Variants in CKAP5 observed in about 807,000 individuals in gnomAD.
CKAP5 encodes cytoskeleton associated protein 5.
A neutral mutation model predicts 232.8 loss-of-function variants in CKAP5; 27 were observed. The ratio of observed to expected loss-of-function variants is 0.12; its 90% CI spans 0.09 to 0.16. The LOEUF (loss-of-function observed/expected upper bound fraction) is 0.16. Ranked by LOEUF, CKAP5 falls within the 10% of genes least tolerant of loss-of-function variation. CKAP5 has a pLI of 1.00. For synonymous variants in CKAP5, 785 were observed against 841.1 expected, an observed-to-expected ratio of 0.93 and a Z score of 1.16; for missense variants, 1,838 against 2,424.7, an observed-to-expected ratio of 0.76 and a Z score of 5.08.
rs1491555078 is a variant in CKAP5 at position 46,816,785 on chromosome 11, AAT to A, written c.252-383_252-382del. Among the ~76,000 whole-genome samples, 4 of 102,450 alleles carry A rather than the reference AAT, an allele frequency of 3.9e-5. No homozygotes were observed. The Admixed American group carries it at 4.6e-4, about 12-fold the overall frequency. The allele number at this position is 102,450 out of a possible 152,430, so 67.2% of individuals were successfully genotyped here. A position where few individuals can be genotyped will look rare whatever the true frequency, so the allele number is the denominator to read the frequency against. ...GTAGGGTTACAGAATGCTTGCTTTC[AAT>A]TTTTTTTTTTTTTTTTTTTTTTTAA... On this transcript the variant is annotated intron_variant, in intron 3 of 43. Coordinates refer to ENST00000529230, the MANE Select transcript of CKAP5 (RefSeq NM_001008938.4).
chr11:46,744,383 G>A (rs1016418278), intron 43 of CKAP5, 43 bp downstream of exon 43: 1 of 1,613,720 alleles, frequency 6.2e-7, no homozygotes, highest in Non-Finnish European at 8.5e-7. Context: ...GGACCTGCTT[G>A]TGACTACCCT....
At chr11:46,806,281 G>A (rs1196539683) in intron 8 of CKAP5, among the ~76,000 whole-genome samples, 1 of 152,192 alleles carries the variant, frequency 6.6e-6, no homozygotes, top group East Asian at 1.9e-4. Flanking sequence ...GTCTTTGTGT[G>A]AGAAGCTAAT....
chr11:46,833,751 A>T (rs1844792559), intron 1 of CKAP5, among the ~76,000 whole-genome samples: 3 of 151,430 alleles, frequency 2.0e-5, no homozygotes, highest in Admixed American at 2.0e-4. Context: ...TGCTGGGATT[A>T]CAGGTGTGAG....
At chr11:46,806,939 G>A (rs1000698371) in intron 8 of CKAP5, among the ~76,000 whole-genome samples, 3 of 152,144 alleles carry the variant, frequency 2.0e-5, no homozygotes. Context: ...TCAGTGCCAT[G>A]TTTTTGCATT....
At chr11:46,745,292 A>T (rs1216735380) in intron 42 of CKAP5, among the ~76,000 whole-genome samples, 6 of 152,194 alleles carry the variant, frequency 3.9e-5, no homozygotes, top group Non-Finnish European at 7.3e-5. Flanking sequence ...CCTTATGGTA[A>T]ATAGAAAAGT....
At chr11:46,757,968 GCCTCAA>G (rs1210691701) in intron 35 of CKAP5, among the ~76,000 whole-genome samples, 18 of 145,262 alleles carry the variant, frequency 1.2e-4, no homozygotes, top group South Asian at 2.2e-4. Flanking sequence ...GCTCACTGCA[GCCTCAA>G]CCTCCCAGGC....
At position 46,807,212 on chromosome 11, in the gene CKAP5, C is replaced by T. The variant is rs529347265; in HGVS notation, c.978+819G>A. On this transcript the variant is annotated intron_variant, in intron 8 of 43. Transcript: ENST00000529230. ...GTACTGATTGATGGAAATGTTGTGA[C>T]CAAAGGGTTGCAGGATCCTAACCCT... is the stretch of plus-strand genomic sequence containing the variant. Among the ~76,000 whole-genome samples, 4 of 152,300 alleles carry T rather than the reference C, an allele frequency of 2.6e-5. No homozygotes were observed. In the South Asian group the frequency reaches 8.3e-4, roughly 32 times the overall value.
intron 1 of CKAP5, among the ~76,000 whole-genome samples, chr11:46,825,725 A>T (rs1033045615): frequency 6.6e-6 from 1 of 151,998 alleles, no homozygotes; most frequent in African/African-American, 2.4e-5. Flanking sequence ...ACCCATTTGA[A>T]TGACCACTGA....
At chr11:46,789,172 G>C (rs1274553086) in intron 15 of CKAP5, among the ~76,000 whole-genome samples, 1 of 152,146 alleles carries the variant, frequency 6.6e-6, no homozygotes, top group Non-Finnish European at 1.5e-5. Context: ...AAGTTCTAAA[G>C]TACCGAATAT....
chr11:46,788,445 G>A (rs1013555950), intron 16 of CKAP5, among the ~76,000 whole-genome samples: 3 of 152,142 alleles, frequency 2.0e-5, no homozygotes, highest in Non-Finnish European at 4.4e-5. Flanking sequence ...ATGGTAGCGG[G>A]TGCCTGTAAT....
chr11:46,762,720 T>C lies in CKAP5; in HGVS notation c.3934A>G (p.Ile1312Val), dbSNP rs762735974. 4 of 1,614,074 alleles carry C rather than the reference T, an allele frequency of 2.5e-6. No individual in the cohort carries two copies. The highest frequency in any genetic ancestry group is 3.4e-6 in the Non-Finnish European group (4 of 1,179,918). The change falls in exon 31 of 44, where the codon ATC becomes GTC. Residue 1312 changes from isoleucine to valine, a missense_variant. Ile to Val is a conservative substitution (Grantham distance 29, BLOSUM62 3). This residue lies in a region of CKAP5 where 579 missense variants were observed against 843.2 expected (regional missense o/e 0.69). Transcript: ENST00000529230. ...KDVIRKDVRA[I>V]LNRMCLVYPA... ...TAGACAAGGCACATCCGGTTCAGGA[T>C]GGCACGAACATCTTTACGAATGACA... is the stretch of plus-strand genomic sequence containing the variant.
chr11:46,759,624 T>C (rs1303531353), intron 33 of CKAP5, among the ~76,000 whole-genome samples, 182 bp from the exon 34 acceptor site: 1 of 152,234 alleles, frequency 6.6e-6, no homozygotes. Context: ...CATTGGTTCA[T>C]GAATATCCTA....
chr11:46,824,814 G>A (rs1256909473), intron 1 of CKAP5, among the ~76,000 whole-genome samples: 1 of 152,186 alleles, frequency 6.6e-6, no homozygotes, highest in Non-Finnish European at 1.5e-5. Context: ...AGTAGAGTTT[G>A]ATGCCTAAAG....
intron 42 of CKAP5, among the ~76,000 whole-genome samples, chr11:46,748,955 T>G (rs59666591): frequency 6.6e-6 from 1 of 150,478 alleles, no homozygotes; most frequent in Non-Finnish European, 1.5e-5. Flanking sequence ...TCTCAGCCTC[T>G]TGAGTAGCTG....
At chr11:46,787,061 A>C (rs1268773144) in intron 16 of CKAP5, among the ~76,000 whole-genome samples, 1 of 152,088 alleles carries the variant, frequency 6.6e-6, no homozygotes, top group Non-Finnish European at 1.5e-5. Flanking sequence ...GGGAGGCTGA[A>C]GTGGGAGGAT....
intron 1 of CKAP5, among the ~76,000 whole-genome samples, chr11:46,845,862 T>C (rs1940176466): frequency 6.6e-6 from 1 of 152,162 alleles, no homozygotes; most frequent in South Asian, 2.1e-4. Context: ...AGAGGCACTC[T>C]AGCAGGGCCG....
chr11:46,795,412 T>C (rs577326526), intron 13 of CKAP5, among the ~76,000 whole-genome samples, 182 bp downstream of exon 13: 1 of 152,170 alleles, frequency 6.6e-6, no homozygotes, highest in East Asian at 1.9e-4. Flanking sequence ...TTTATCTCTA[T>C]TAAAGCTCCA....
intron 16 of CKAP5, among the ~76,000 whole-genome samples, chr11:46,788,316 C>T (rs547657312): frequency 6.7e-4 from 102 of 152,294 alleles, no homozygotes; most frequent in African/African-American, 2.3e-3. Context: ...GGCTCACGCC[C>T]GTAATCCCAG....
At chr11:46,764,711 T>C (rs2134595568) in intron 28 of CKAP5, among the ~76,000 whole-genome samples, 1 of 152,330 alleles carries the variant, frequency 6.6e-6, no homozygotes, top group Non-Finnish European at 1.5e-5. Context: ...CTGTACTGCA[T>C]ATAATTTTTA....
Sources: allele counts gnomAD v4.1 joint callset (sites outside exome capture counted in the v4.1 genomes callset), GRCh38; gene constraint gnomAD v4.1.1; regional missense constraint gnomAD v4.1.1; transcripts MANE v1.5; gene names NCBI Gene and HGNC (gene_info 2026-07-23, HGNC 2026-07-21).